GLI3: variants seen among roughly 807,000 people sequenced by gnomAD.
The protein encoded by GLI3 is GLI family zinc finger 3.
GLI3 carries 20 observed loss-of-function variants against 100.8 expected under a neutral mutation model. The ratio of observed to expected loss-of-function variants is 0.20; its 90% CI spans 0.14 to 0.29. The LOEUF is 0.29. Among genes scored for constraint, GLI3 ranks in the 10% least tolerant of loss-of-function variants. The pLI, the probability that GLI3 is intolerant of heterozygous loss-of-function variation, is 1.00. For synonymous variants in GLI3, 938 were observed against 860.5 expected, an observed-to-expected ratio of 1.09 and a Z score of -1.58; for missense variants, 2,040 against 2,128.5, an observed-to-expected ratio of 0.96 and a Z score of 0.82.
intron 2 of GLI3, among the ~76,000 whole-genome samples, chr7:42,180,264 G>C (rs137930866): frequency 1.3e-5 from 2 of 152,146 alleles, no homozygotes; most frequent in Non-Finnish European, 2.9e-5. Context: ...ACTGACCACT[G>C]GTCTAAGCAA....
Position 41,965,196 on chromosome 7 carries a change from G to T in GLI3, c.3877C>A (p.Leu1293Met), listed in dbSNP as rs1476153727. ...GGCGCTACCGGCAGGCCGAAATTCA[G>T]CTGGCCCCCGCTCCCTTGCATGGGG... ...STPMQGSGGQ[L>M]NFGLPVAPNE... Residue 1293 changes from leucine (L) to methionine (M), a missense_variant, in exon 15 of 15, where the codon CTG becomes ATG. Physicochemically the swap from Leu to Met is conservative, Grantham distance 15. Transcript: ENST00000395925. The T allele has an allele frequency of 6.2e-7, 1 of 1,613,876 alleles. No homozygotes were observed. Among genetic ancestry groups the T allele is most frequent in the Non-Finnish European group, 8.5e-7 (1 of 1,180,038 alleles).
chr7:42,029,309 C>T (rs1240811738), intron 7 of GLI3, among the ~76,000 whole-genome samples: 1 of 152,218 alleles, frequency 6.6e-6, no homozygotes, highest in Non-Finnish European at 1.5e-5. Flanking sequence ...AGCTCTGACA[C>T]AGTATCACTT....
intron 10 of GLI3, among the ~76,000 whole-genome samples, chr7:41,983,407 T>C (rs1787728928): frequency 6.6e-6 from 1 of 152,194 alleles, no homozygotes; most frequent in African/African-American, 2.4e-5. Flanking sequence ...ACATTCTTTT[T>C]CTCACCAAAA....
At chr7:42,186,242 A>G (rs1470148958) in intron 2 of GLI3, among the ~76,000 whole-genome samples, 1 of 152,124 alleles carries the variant, frequency 6.6e-6, no homozygotes, top group Admixed American at 6.6e-5. Context: ...AGCACTTTCA[A>G]AGTCTCTCAA....
intron 10 of GLI3, among the ~76,000 whole-genome samples, chr7:42,023,086 T>C (rs1227966172): frequency 6.6e-6 from 1 of 152,146 alleles, no homozygotes; most frequent in Non-Finnish European, 1.5e-5. Context: ...AAATCCCTCA[T>C]CTCCACATTT....
chr7:42,093,504 G>C (rs769807969), intron 3 of GLI3, among the ~76,000 whole-genome samples: 31 of 148,592 alleles, frequency 2.1e-4, no homozygotes, highest in Non-Finnish European at 3.9e-4. Flanking sequence ...AAAATGGGGT[G>C]GGTGGTGCAG....
At chr7:42,027,930 G>C (rs1245132175) in intron 7 of GLI3, among the ~76,000 whole-genome samples, 1 of 152,192 alleles carries the variant, frequency 6.6e-6, no homozygotes, top group African/African-American at 2.4e-5. Flanking sequence ...GAATGATTAT[G>C]GCAAGACTTA....
intron 10 of GLI3, among the ~76,000 whole-genome samples, chr7:41,978,981 G>A (rs1787583318): frequency 6.6e-6 from 1 of 152,226 alleles, no homozygotes; most frequent in Non-Finnish European, 1.5e-5. Flanking sequence ...GACCGGGATG[G>A]AGCCTGGCAT....
intron 2 of GLI3, among the ~76,000 whole-genome samples, chr7:42,197,873 G>A (rs1387978149): frequency 2.6e-5 from 4 of 152,124 alleles, no homozygotes; most frequent in Admixed American, 6.5e-5. Flanking sequence ...GGAAGCCCAC[G>A]TTGATGTGTT....
At chr7:42,164,914 G>A (rs1394368108) in intron 2 of GLI3, among the ~76,000 whole-genome samples, 1 of 149,716 alleles carries the variant, frequency 6.7e-6, no homozygotes, top group Non-Finnish European at 1.5e-5. Flanking sequence ...TTTCATTCTA[G>A]GAACAGTCTT....
chr7:42,110,468 T>G (rs532807575), intron 3 of GLI3, among the ~76,000 whole-genome samples: 1 of 152,306 alleles, frequency 6.6e-6, no homozygotes, highest in East Asian at 1.9e-4. Flanking sequence ...GAAGTGGACA[T>G]TCGTTATTTC....
intron 4 of GLI3, among the ~76,000 whole-genome samples, chr7:42,061,959 CCTT>C (rs1364832988): frequency 1.3e-5 from 2 of 152,150 alleles, no homozygotes; most frequent in Admixed American, 6.5e-5. Flanking sequence ...TACAAAGTCT[CCTT>C]CTGCAGTTCC....
intron 5 of GLI3, among the ~76,000 whole-genome samples, chr7:42,047,819 A>G (rs1044482638): frequency 1.3e-5 from 2 of 152,234 alleles, no homozygotes; most frequent in African/African-American, 4.8e-5. Flanking sequence ...GGTCAAGAAT[A>G]GAAAGCACAG....
chr7:42,034,794 T>G (rs1789393369), intron 7 of GLI3, among the ~76,000 whole-genome samples: 1 of 152,154 alleles, frequency 6.6e-6, no homozygotes, highest in African/African-American at 2.4e-5. Flanking sequence ...ACCAGCTCCT[T>G]TGCTCCTTTG....
intron 3 of GLI3, among the ~76,000 whole-genome samples, chr7:42,101,837 T>TCCCCC (rs538820301): frequency 1.0e-5 from 1 of 99,714 alleles, no homozygotes. Context: ...CCCTCCACCC[T>TCCCCC]CTCCCACCCC....
intron 1 of GLI3, among the ~76,000 whole-genome samples, chr7:42,236,545 C>T (rs1353704228): frequency 6.6e-6 from 1 of 152,166 alleles, no homozygotes; most frequent in African/African-American, 2.4e-5. Flanking sequence ...CGCCTCCTTC[C>T]GCCCATCCCG....
Position 42,029,966 on chromosome 7 carries a change from C to A in GLI3, c.1029-3554G>T, listed in dbSNP as rs549943855. On this transcript the variant is annotated intron_variant, in intron 7 of 14. Coordinates refer to ENST00000395925, the MANE Select transcript of GLI3 (RefSeq NM_000168.6). The stretch of plus-strand genomic sequence containing the variant: ...GTACTGAGTCAATGAGTGACTGAAT[C>A]CATTCTTCAGTGTCTATTAGTTCCC... 2.0e-5 allele frequency among the ~76,000 whole-genome samples: 3 copies of A among 152,268 alleles called. No homozygotes were observed. In the East Asian group the frequency reaches 5.8e-4, roughly 29 times the overall value.
intron 3 of GLI3, among the ~76,000 whole-genome samples, chr7:42,092,816 TATTTATG>T (rs1562725014): frequency 0.026 from 2,462 of 96,310 alleles, 42 homozygotes; most frequent in African/African-American, 0.061. Context: ...TTTATTTATG[TATTTATG>T]TATTTATAGA....
chr7:42,145,585 T>A, intron 3 of GLI3: 2 of 394,930 alleles, frequency 5.1e-6, no homozygotes, highest in Non-Finnish European at 8.9e-6. Flanking sequence ...GAAACTGGTC[T>A]CAGGCAAGCA....
Sources: gnomAD v4.1 joint callset for allele counts (sites outside exome capture counted in the v4.1 genomes callset) on GRCh38, gnomAD v4.1.1 for gene constraint, MANE v1.5 for transcripts, NCBI Gene and HGNC (gene_info 2026-07-23, HGNC 2026-07-21) for gene names.